Variants in MTRR observed in about 807,000 individuals in gnomAD.
MTRR encodes the protein methionine synthase reductase.
MTRR carries 63 observed loss-of-function variants against 79.2 expected under a neutral mutation model. The observed-to-expected ratio is 0.80, with a 90% CI of 0.65 to 0.98. MTRR has a LOEUF of 0.98. MTRR is among the 50% of genes least tolerant of loss of function. The pLI is 0.00. For missense variants in MTRR, 895 were observed against 839.6 expected, an observed-to-expected ratio of 1.07 and a Z score of -0.82; for synonymous variants, 355 against 313.3, an observed-to-expected ratio of 1.13 and a Z score of -1.41.
chr5:7,883,394 T>G (rs1033453350), intron 6 of MTRR, 117 bp downstream of exon 6: 3 of 1,363,196 alleles, frequency 2.2e-6, no homozygotes, highest in Non-Finnish European at 3.1e-6. Context: ...TATGCTGAGT[T>G]GTGTGCGGCT....
Position 7,885,669 on chromosome 5 carries a change from A to ATT in MTRR, c.904-21_904-20dup, listed in dbSNP as rs11398509. 0.051 allele frequency: 68,907 copies of ATT among 1,355,248 alleles called. 434 individuals are homozygous for ATT. Among genetic ancestry groups the ATT allele is most frequent in the African/African-American group, 0.12 (8,006 of 66,628 alleles). The allele number at this position is 1,355,248 out of a possible 1,614,324, so 84.0% of individuals were successfully genotyped here. ...TTAAACTATGTAACACGTATAATGT[A>ATT]TTTTTTTTTTTTCATTTTGGCTCTT... is the stretch of plus-strand genomic sequence containing the variant. On this transcript the variant is annotated intron_variant, in intron 6 of 14. Transcript: ENST00000440940.
intron 1 of MTRR, among the ~76,000 whole-genome samples, chr5:7,854,604 G>C (rs777226965): frequency 2.0e-5 from 3 of 152,108 alleles, no homozygotes; most frequent in Non-Finnish European, 4.4e-5. Flanking sequence ...GGAAACCCCT[G>C]ATAAAACTAT....
In MTRR at chr5:7,885,927, C is replaced by G. The variant is rs1350477123; in HGVS notation, c.1057+73C>G. 6 of 1,601,530 alleles carry G rather than the reference C, an allele frequency of 3.7e-6. No homozygotes were observed. In the East Asian group the frequency reaches 6.7e-5, roughly 18 times the overall value. ...TGGAGCTGATGGTGAGAGTGTGGCT[C>G]TAAGGTTCAGGGTCCTGTGTGTTGG... On this transcript the variant is annotated intron_variant, in intron 7 of 14. Transcript: ENST00000440940.
At chr5:7,857,813 TA>T (rs1166252593) in intron 1 of MTRR, among the ~76,000 whole-genome samples, 2 of 151,906 alleles carry the variant, frequency 1.3e-5, no homozygotes, top group African/African-American at 4.8e-5. Context: ...GTGAAGAGGG[TA>T]GGGGAGAGCC....
chr5:7,863,264 G>A, intron 2 of MTRR: 2 of 400,568 alleles, frequency 5.0e-6, no homozygotes, highest in Non-Finnish European at 9.0e-6. Context: ...AAAGAAGGAA[G>A]GTAAAAAGGA....
Position 7,891,375 on chromosome 5 carries a change from A to G in MTRR, c.1331A>G (p.His444Arg). The change falls in exon 10 of 15, where the codon CAT becomes CGT. Residue 444 changes from histidine to arginine, a missense_variant. Physicochemically the swap from His to Arg is conservative, Grantham distance 29. Coordinates refer to ENST00000440940, the MANE Select transcript of MTRR (RefSeq NM_002454.3). The part of the protein sequence containing the change: ...CQPPLSLLLE[H>R]LPKLQPRPYS... ...GCTTGTTTTTATTTTTTTCTAGAAC[A>G]TCTTCCTAAACTTCAACCCAGACCA... 6.3e-7 allele frequency: 1 copy of G among 1,598,568 alleles called. No homozygotes were observed.
intron 7 of MTRR, 65 bp downstream of exon 7, chr5:7,885,919 G>C: frequency 6.2e-7 from 1 of 1,606,300 alleles, no homozygotes. Flanking sequence ...GATGGTGAGA[G>C]TGTGGCTCTA....
intron 1 of MTRR, chr5:7,859,437 A>T (rs1746373787): frequency 6.3e-7 from 1 of 1,583,018 alleles, no homozygotes; most frequent in Non-Finnish European, 8.6e-7. Flanking sequence ...GTCAGTATTC[A>T]TTCTTGCAAC....
intron 10 of MTRR, 24 bp from the exon 11 acceptor site, chr5:7,892,703 A>G (rs112720161): frequency 1.7e-5 from 28 of 1,613,964 alleles, no homozygotes; most frequent in Non-Finnish European, 2.2e-5. Flanking sequence ...ATCGAGTTCA[A>G]AACTTGTCTG....
chr5:7,885,747 G>C lies in MTRR; in HGVS notation c.950G>C (p.Cys317Ser). 1.2e-6 allele frequency: 2 copies of C among 1,612,648 alleles called. No homozygotes were observed. The highest frequency in any genetic ancestry group is 1.7e-6 in the Non-Finnish European group (2 of 1,179,904). The part of the protein sequence containing the change: ...YQPGDAFSVI[C>S]PNSDSEVQSL... The stretch of plus-strand genomic sequence containing the variant: ...CCTGGAGATGCCTTCAGCGTGATCT[G>C]CCCTAACAGTGATTCTGAGGTACAA... Residue 317 changes from cysteine to serine, a missense_variant, in exon 7 of 15, where the codon TGC becomes TCC. By Grantham distance (112) the Cys-to-Ser change is moderately radical. Coordinates refer to ENST00000440940, the MANE Select transcript of MTRR (RefSeq NM_002454.3).
At chr5:7,861,235 T>G (rs1418245986) in intron 1 of MTRR, 1 of 1,609,502 alleles carries the variant, frequency 6.2e-7, no homozygotes. Flanking sequence ...GAGCAAAACC[T>G]TTTTGGACCA....
Position 7,886,529 on chromosome 5 carries a change from C to A in MTRR, c.1058-86C>A, listed in dbSNP as rs79408444. On this transcript the variant is annotated intron_variant, in intron 7 of 14. Coordinates refer to ENST00000440940, the MANE Select transcript of MTRR (RefSeq NM_002454.3). Reference sequence around the variant, plus strand: ...CACTTTGATGCGCTGTAAAGTACTACAGTAATTGTGTTTTGGGGAGTGTGT... The same window carrying A: ...CACTTTGATGCGCTGTAAAGTACTAAAGTAATTGTGTTTTGGGGAGTGTGT... 19,950 of 1,032,732 alleles carry A rather than the reference C, an allele frequency of 0.019. 252 individuals carry two copies. Among genetic ancestry groups the A allele is most frequent in the Non-Finnish European group, 0.025 (16,400 of 651,720 alleles). 64.0% of individuals were successfully genotyped at this position (1,032,732 alleles called of 1,614,324 possible).
chr5:7,874,388 A>T (rs990701053), intron 3 of MTRR, among the ~76,000 whole-genome samples: 2 of 150,286 alleles, frequency 1.3e-5, no homozygotes, highest in Non-Finnish European at 3.0e-5. Flanking sequence ...AGTATTTATA[A>T]TTTTTTTTTT....
intron 1 of MTRR, among the ~76,000 whole-genome samples, chr5:7,860,919 C>T (rs1021179072): frequency 1.3e-5 from 2 of 152,204 alleles, no homozygotes; most frequent in African/African-American, 4.8e-5. Context: ...GAATATGTAA[C>T]TGTAACCAGT....
chr5:7,856,376 A>T (rs1746247640), intron 1 of MTRR, among the ~76,000 whole-genome samples: 1 of 152,202 alleles, frequency 6.6e-6, no homozygotes, highest in African/African-American at 2.4e-5. Flanking sequence ...GGCAGTTGTC[A>T]AAGGCTCACA....
rs530023513 is a variant in MTRR, at chr5:7,900,551, T to C, written c.*493T>C. The C allele has an allele frequency of 1.9e-5, 3 of 157,094 alleles. No individual in the cohort carries two copies. The highest frequency in any genetic ancestry group is 7.2e-5 in the African/African-American group (3 of 41,608). 9.7% of individuals were successfully genotyped at this position (157,094 alleles called of 1,614,324 possible). A position where few individuals can be genotyped will look rare whatever the true frequency, so the allele number is the denominator to read the frequency against. On this transcript the variant is annotated 3_prime_UTR_variant, in exon 15 of 15. Coordinates refer to ENST00000440940, the MANE Select transcript of MTRR (RefSeq NM_002454.3). ...ACACATGTAGAGCATATCTGTTATA[T>C]GTTTATGTAACTATCAAATGGTTAT...
chr5:7,878,467 A>G (rs992181760), intron 5 of MTRR, 145 bp downstream of exon 5: 17 of 1,071,550 alleles, frequency 1.6e-5, no homozygotes, highest in Admixed American at 4.1e-5. Context: ...TTTTGTAAAT[A>G]GATTTTACTG....
At position 7,889,084 on chromosome 5, in the gene MTRR, C is replaced by T. The variant is rs1015760904; in HGVS notation, c.1147-11C>T. Reference sequence around the variant, plus strand: ...ATTGTGTCACAATTTAAGGCGGGCTCCTTTTTGTAGGCATTTTTGCGAGCC... The same window carrying T: ...ATTGTGTCACAATTTAAGGCGGGCTTCTTTTTGTAGGCATTTTTGCGAGCC... On this transcript the variant is annotated splice_polypyrimidine_tract_variant and intron_variant, in intron 8 of 14. Coordinates refer to ENST00000440940, the MANE Select transcript of MTRR (RefSeq NM_002454.3). 12 of 1,613,966 alleles carry T rather than the reference C, an allele frequency of 7.4e-6. No individual in the cohort carries two copies. Among genetic ancestry groups the T allele is most frequent in the Admixed American group, 5.0e-5 (3 of 60,004 alleles).
intron 8 of MTRR, among the ~76,000 whole-genome samples, chr5:7,887,659 C>A (rs1007316613): frequency 1.4e-5 from 2 of 146,502 alleles, no homozygotes; most frequent in African/African-American, 2.5e-5. Context: ...GAAAGCTTAC[C>A]GATTAAGTCA....
Sources: gnomAD v4.1 joint callset for allele counts (sites outside exome capture counted in the v4.1 genomes callset) on GRCh38, gnomAD v4.1.1 for gene constraint, MANE v1.5 for transcripts, NCBI Gene and HGNC (gene_info 2026-07-23, HGNC 2026-07-21) for gene names.